SRRM4: variants seen among roughly 807,000 people sequenced by gnomAD.
SRRM4 encodes serine/arginine repetitive matrix protein 4.
A neutral mutation model predicts 68.9 loss-of-function variants in SRRM4; 33 were observed. That is an observed-to-expected ratio of 0.48 (90% CI 0.36 to 0.64). SRRM4 has a LOEUF of 0.64. Ranked by LOEUF, SRRM4 falls within the 30% of genes least tolerant of loss-of-function variation. The probability of loss-of-function intolerance (pLI) is 0.00; values close to 1 mark genes in which losing one functional copy is unlikely to be tolerated. For missense variants in SRRM4, 817 were observed against 827.1 expected (o/e 0.99, Z 0.15); for synonymous variants, 318 against 318.8 (o/e 1.00, Z 0.03).
At chr12:118,986,224 G>A (rs571806335) in intron 1 of SRRM4, among the ~76,000 whole-genome samples, 6 of 152,324 alleles carry the variant, frequency 3.9e-5, no homozygotes, top group Admixed American at 6.5e-5. Context: ...GTTGAGAGGC[G>A]ATTTTCTGGC....
intron 1 of SRRM4, among the ~76,000 whole-genome samples, chr12:119,063,119 T>C (rs989852084): frequency 5.3e-4 from 80 of 152,216 alleles, no homozygotes; most frequent in African/African-American, 1.8e-3. Context: ...AAAACATTAC[T>C]GGTATCTACT....
chr12:119,047,368 G>A (rs960722434), intron 1 of SRRM4, among the ~76,000 whole-genome samples: 1 of 152,012 alleles, frequency 6.6e-6, no homozygotes, highest in African/African-American at 2.4e-5. Flanking sequence ...TTGGGGAACA[G>A]GTGGTGCTTG....
chr12:119,107,036 T>G (rs904820819), intron 2 of SRRM4, among the ~76,000 whole-genome samples: 2 of 152,222 alleles, frequency 1.3e-5, no homozygotes, highest in Non-Finnish European at 2.9e-5. Flanking sequence ...TTGAATTTTG[T>G]CAAAGGCCTT....
At chr12:119,088,560 C>T (rs7965345) in intron 1 of SRRM4, among the ~76,000 whole-genome samples, 38,568 of 151,844 alleles carry the variant, frequency 0.25, 5,155 homozygotes, top group Admixed American at 0.31. Flanking sequence ...ATGAGAAAAC[C>T]GAGGCTTAAA....
In SRRM4 at chr12:119,161,484, G is replaced by GTTT. The variant is rs1232733082; in HGVS notation, c.*4691_*4693dup. 1 of 152,150 alleles carries GTTT rather than the reference G, an allele frequency of 6.6e-6. No homozygotes were observed. The highest frequency in any genetic ancestry group is 2.4e-5 in the African/African-American group (1 of 41,430). The allele number at this position is 152,150 out of a possible 1,614,324, so 9.4% of individuals were successfully genotyped here. ...TTTTGGAGTAAAAGTTTCTGTGTGT[G>GTTT]TTTTTTTAGTTCTTTTGATGGCTGT... On this transcript the variant is annotated 3_prime_UTR_variant, in exon 13 of 13. Coordinates refer to ENST00000267260, the MANE Select transcript of SRRM4 (RefSeq NM_194286.4).
Position 119,160,509 on chromosome 12 carries a change from CGTG to C in SRRM4, c.*3712_*3714del. ...GACAGATCACCAGGATGCTGCTCGT[CGTG>C]AGGATTTATCTCAAAAACCAACATC... On this transcript the variant is annotated 3_prime_UTR_variant, in exon 13 of 13. Coordinates refer to ENST00000267260, the MANE Select transcript of SRRM4 (RefSeq NM_194286.4). 6.6e-6 allele frequency: 1 copy of C among 152,212 alleles called. No homozygotes were observed. The highest frequency in any genetic ancestry group is 1.9e-4 in the East Asian group (1 of 5,168). The allele number at this position is 152,212 out of a possible 1,614,324, so 9.4% of individuals were successfully genotyped here.
Position 119,145,583 on chromosome 12 carries a change from G to A in SRRM4, c.974G>A (p.Gly325Asp), listed in dbSNP as rs1166795722. ...GLSKSRELNS[G>D]NTSDSGNSFT... ...AGCAAGAGCCGGGAGCTCAACAGTG[G>A]CAACACCTCTGATTCAGGGAACTCC... is the stretch of plus-strand genomic sequence containing the variant. The change falls in exon 9 of 13, where the codon GGC (glycine) becomes GAC (aspartate). Residue 325 changes from glycine to aspartate, a missense_variant. Gly to Asp is a moderately conservative substitution (Grantham distance 94, BLOSUM62 -1). Coordinates refer to ENST00000267260, the MANE Select transcript of SRRM4 (RefSeq NM_194286.4). 2 of 1,595,548 alleles carry A rather than the reference G, an allele frequency of 1.3e-6. No homozygotes were observed. Among genetic ancestry groups the A allele is most frequent in the Admixed American group, 3.5e-5 (2 of 57,136 alleles).
At chr12:119,128,042 A>C (rs991385661) in intron 7 of SRRM4, among the ~76,000 whole-genome samples, 4 of 152,146 alleles carry the variant, frequency 2.6e-5, no homozygotes, top group African/African-American at 9.7e-5. Flanking sequence ...GAGATTTTTA[A>C]ATCCCCCCAG....
chr12:119,084,361 A>G (rs1953967439), intron 1 of SRRM4, among the ~76,000 whole-genome samples: 1 of 152,228 alleles, frequency 6.6e-6, no homozygotes, highest in Non-Finnish European at 1.5e-5. Flanking sequence ...ACAGCAGGAT[A>G]TGAGGACTAG....
chr12:119,027,202 G>C (rs572626651), intron 1 of SRRM4, among the ~76,000 whole-genome samples: 33 of 152,184 alleles, frequency 2.2e-4, no homozygotes, highest in Non-Finnish European at 2.6e-4. Flanking sequence ...ACCAACACTG[G>C]ATCACCCACC....
chr12:119,134,777 T>C (rs1164243275), intron 8 of SRRM4, among the ~76,000 whole-genome samples: 1 of 152,190 alleles, frequency 6.6e-6, no homozygotes, highest in East Asian at 1.9e-4. Context: ...CTGGCAGTGA[T>C]GAAAGCAACT....
At chr12:119,123,865 G>A (rs1954239879) in intron 6 of SRRM4, among the ~76,000 whole-genome samples, 1 of 152,118 alleles carries the variant, frequency 6.6e-6, no homozygotes, top group African/African-American at 2.4e-5. Context: ...GCCTTGAAGA[G>A]CTCACAGGAG....
At chr12:119,065,889 A>G (rs935159913) in intron 1 of SRRM4, among the ~76,000 whole-genome samples, 4 of 152,160 alleles carry the variant, frequency 2.6e-5, no homozygotes, top group Admixed American at 2.0e-4. Context: ...GGGTGACTGG[A>G]TAGATGAAAA....
chr12:119,153,627 T>G lies in SRRM4; in HGVS notation c.1369T>G (p.Tyr457Asp). ...RSSRSRRSPS[Y>D]SRYSPSRERD... ...CTCTAGGTCCCGCCGCAGCCCTAGC[T>G]ACTCCCGCTACAGCCCCAGCAGGTA... is the stretch of plus-strand genomic sequence containing the variant. Residue 457 changes from tyrosine to aspartate, a missense_variant, in exon 11 of 13, where the codon TAC becomes GAC. Tyr to Asp is a radical substitution (Grantham distance 160). Transcript: ENST00000267260. 1 of 1,559,806 alleles carries G rather than the reference T, an allele frequency of 6.4e-7. No homozygotes were observed. Among genetic ancestry groups the G allele is most frequent in the East Asian group, 2.4e-5 (1 of 41,392 alleles).
Position 119,156,507 on chromosome 12 carries a change from C to G in SRRM4, c.1545C>G (p.Arg515=). 3 of 1,607,006 alleles carry G rather than the reference C, an allele frequency of 1.9e-6. No homozygotes were observed. Among genetic ancestry groups the G allele is most frequent in the Non-Finnish European group, 2.5e-6 (3 of 1,176,930 alleles). Residue 515 remains arginine, a synonymous_variant, in exon 13 of 13, where the codon CGC becomes CGG. Coordinates refer to ENST00000267260, the MANE Select transcript of SRRM4 (RefSeq NM_194286.4). ...CTGGTCTCTGCAGTGCCCGGAAACG[C>G]CCCATCCCCTACTATCGGCCCAGCC... is the stretch of plus-strand genomic sequence containing the variant. ...EARRITSARK[R]PIPYYRPSPS... is the part of the protein sequence containing the mutation.
intron 1 of SRRM4, among the ~76,000 whole-genome samples, chr12:119,043,283 G>T (rs184821141): frequency 6.6e-6 from 1 of 152,052 alleles, no homozygotes; most frequent in Non-Finnish European, 1.5e-5. Context: ...GCAAACTCAC[G>T]CAAGAACAGA....
intron 2 of SRRM4, among the ~76,000 whole-genome samples, chr12:119,103,271 A>G (rs1231062997): frequency 6.6e-6 from 1 of 151,292 alleles, no homozygotes; most frequent in Non-Finnish European, 1.5e-5. Context: ...TTTAACTTTT[A>G]TTTTAGGTTT....
rs140603194 is a variant in SRRM4 at position 119,091,016 on chromosome 12, T to C, written c.132-11220T>C. 8.3e-4 allele frequency among the ~76,000 whole-genome samples: 127 copies of C among 152,334 alleles called. 1 individual carries two copies. The highest frequency in any genetic ancestry group is 2.9e-3 in the African/African-American group (120 of 41,586). Reference sequence around the variant, plus strand: ...GACCGCAGGAGCTCACAGCCTGCCATGGAGATTTGTGGCTTGTCTGGTCTG... The same window carrying C: ...GACCGCAGGAGCTCACAGCCTGCCACGGAGATTTGTGGCTTGTCTGGTCTG... On this transcript the variant is annotated intron_variant, in intron 1 of 12. Transcript: ENST00000267260.
chr12:119,011,953 G>T (rs1953452370), intron 1 of SRRM4, among the ~76,000 whole-genome samples: 1 of 152,210 alleles, frequency 6.6e-6, no homozygotes, highest in South Asian at 2.1e-4. Flanking sequence ...CCACCTCATA[G>T]GTTGAATTTG....
Sources: allele counts gnomAD v4.1 joint callset (sites outside exome capture counted in the v4.1 genomes callset), GRCh38; gene constraint gnomAD v4.1.1; transcripts MANE v1.5; gene names NCBI Gene and HGNC (gene_info 2026-07-23, HGNC 2026-07-21).